Variants in C2CD3 observed in about 807,000 individuals in gnomAD.
The protein encoded by C2CD3 is C2 domain-containing protein 3.
A neutral mutation model predicts 234.0 loss-of-function variants in C2CD3; 148 were observed. The ratio of observed to expected loss-of-function variants is 0.63; its 90% confidence interval spans 0.55 to 0.72. The LOEUF (loss-of-function observed/expected upper bound fraction) is 0.72. C2CD3 is among the 30% of genes least tolerant of loss of function. The pLI, the probability that C2CD3 is intolerant of heterozygous loss-of-function variation, is 0.00. For synonymous variants in C2CD3, 1,000 were observed against 1,035.4 expected (o/e 0.97, Z 0.66); for missense variants, 2,577 against 2,811.5 (o/e 0.92, Z 1.89).
Position 74,095,361 on chromosome 11 carries a change from A to G in C2CD3, c.3027T>C (p.His1009=), listed in dbSNP as rs758580986. 4 of 1,613,656 alleles carry G rather than the reference A, an allele frequency of 2.5e-6. No individual in the cohort carries two copies. The highest frequency in any genetic ancestry group is 2.2e-5 in the South Asian group (2 of 91,052). The change falls in exon 17 of 33, where the codon CAT becomes CAC. Residue 1009 remains histidine (H), a synonymous_variant. Coordinates refer to ENST00000334126, the MANE Select transcript of C2CD3 (RefSeq NM_001286577.2). ...NGLMEHCFEI[H]IEMVKGLAPL... ...GGGCTAGCCCTTTAACCATCTCTATATGGATCTCAAAGCAGTGCTCCATCA... is the reference window on the plus strand; with the variant it reads ...GGGCTAGCCCTTTAACCATCTCTATGTGGATCTCAAAGCAGTGCTCCATCA...
intron 5 of C2CD3, among the ~76,000 whole-genome samples, chr11:74,137,587 T>TC (rs1378427848): frequency 1.3e-5 from 2 of 150,854 alleles, no homozygotes; most frequent in African/African-American, 4.8e-5. Flanking sequence ...ATATATTTTT[T>TC]CTTTTTTTTC....
In C2CD3 at chr11:74,078,270, C is replaced by G. The variant is rs202159207; in HGVS notation, c.4448G>C (p.Trp1483Ser). 6.2e-7 allele frequency: 1 copy of G among 1,614,172 alleles called. No homozygotes were observed. Among genetic ancestry groups the G allele is most frequent in the Non-Finnish European group, 8.5e-7 (1 of 1,180,016 alleles). Reference protein sequence around the residue: ...AEVTRGPSLLWYFREERLEIQ... With the variant: ...AEVTRGPSLLSYFREERLEIQ... Reference sequence around the variant, plus strand: ...CTCTAGCCTCTCCTCCCTGAAGTACCAAAGCAGTGATGGGCCCCTGGTGAC... The same window carrying G: ...CTCTAGCCTCTCCTCCCTGAAGTACGAAAGCAGTGATGGGCCCCTGGTGAC... The change falls in exon 23 of 33, where the codon TGG (tryptophan) becomes TCG (serine). Residue 1483 changes from tryptophan to serine, a missense_variant. Trp to Ser is a radical substitution (Grantham distance 177). Coordinates refer to ENST00000334126, the MANE Select transcript of C2CD3 (RefSeq NM_001286577.2).
intron 28 of C2CD3, among the ~76,000 whole-genome samples, chr11:74,045,300 T>C (rs1399478117): frequency 1.3e-5 from 2 of 152,238 alleles, no homozygotes; most frequent in Non-Finnish European, 2.9e-5. Context: ...TCCAGTACTG[T>C]TTTGCTTACA....
At chr11:74,164,119 G>A (rs772502614) in intron 2 of C2CD3, 4 of 893,612 alleles carry the variant, frequency 4.5e-6, no homozygotes, top group Non-Finnish European at 5.4e-6. Context: ...TCACTTCTAG[G>A]ACAAAAAGCT....
chr11:74,137,312 T>C (rs1158041109), intron 5 of C2CD3, among the ~76,000 whole-genome samples: 2 of 152,014 alleles, frequency 1.3e-5, no homozygotes, highest in South Asian at 4.1e-4. Flanking sequence ...AGTTTATATA[T>C]ATATATTTAA....
At chr11:74,158,582 C>T (rs1856201828) in intron 3 of C2CD3, among the ~76,000 whole-genome samples, 1 of 151,830 alleles carries the variant, frequency 6.6e-6, no homozygotes, top group African/African-American at 2.4e-5. Context: ...ACTAGCCAGG[C>T]GTGTTGGTGC....
chr11:74,094,602 A>T (rs962189585), intron 17 of C2CD3, among the ~76,000 whole-genome samples: 1 of 152,052 alleles, frequency 6.6e-6, no homozygotes, highest in African/African-American at 2.4e-5. Context: ...GAAGATGGAG[A>T]CAGTAGGAGG....
intron 7 of C2CD3, among the ~76,000 whole-genome samples, chr11:74,130,750 G>A (rs184524050): frequency 2.0e-5 from 3 of 151,704 alleles, no homozygotes; most frequent in Non-Finnish European, 4.4e-5. Context: ...GTGTTGTTCT[G>A]TAGTAAGCTT....
intron 28 of C2CD3, among the ~76,000 whole-genome samples, chr11:74,045,190 T>C (rs1261577728): frequency 6.6e-6 from 1 of 152,210 alleles, no homozygotes; most frequent in Non-Finnish European, 1.5e-5. Context: ...TCTTTCCTCA[T>C]TAGTCTTGGC....
Position 74,037,524 on chromosome 11 carries a change from C to A in C2CD3, c.5835G>T (p.Leu1945=), listed in dbSNP as rs781705476. The stretch of plus-strand genomic sequence containing the variant: ...GCAACACCAGGTTACTGGATTTCTC[C>A]AGGATACACTGGCTCCCAGGGTCTA... ...SSLDPGSQCI[L]EKSSNLVLQV... is the part of the protein sequence containing the mutation. Residue 1945 remains leucine (L), a synonymous_variant, in exon 30 of 33, where the codon CTG becomes CTT. Transcript: ENST00000334126. The A allele has an allele frequency of 6.2e-7, 1 of 1,614,080 alleles. No individual in the cohort carries two copies. The highest frequency in any genetic ancestry group is 1.7e-5 in the Admixed American group (1 of 60,020).
chr11:74,058,897 C>T (rs541383366), intron 24 of C2CD3, among the ~76,000 whole-genome samples: 6 of 152,180 alleles, frequency 3.9e-5, no homozygotes, highest in East Asian at 1.9e-4. Context: ...TTCAAGTGCT[C>T]GATAGCCACA....
At chr11:74,019,233 G>A (rs1951991298) in intron 32 of C2CD3, among the ~76,000 whole-genome samples, 1 of 152,184 alleles carries the variant, frequency 6.6e-6, no homozygotes, top group Non-Finnish European at 1.5e-5. Flanking sequence ...GAGTGGCTCA[G>A]GCAACCTGAG....
At chr11:74,032,318 C>T (rs571352857) in intron 31 of C2CD3, among the ~76,000 whole-genome samples, 2 of 152,322 alleles carry the variant, frequency 1.3e-5, no homozygotes, top group Non-Finnish European at 1.5e-5. Context: ...AAGCAGCCTG[C>T]TTCACCTGCC....
At chr11:74,122,591 A>G (rs947328883) in intron 8 of C2CD3, among the ~76,000 whole-genome samples, 2 of 152,204 alleles carry the variant, frequency 1.3e-5, no homozygotes, top group African/African-American at 4.8e-5. Context: ...AGGCCAGAAG[A>G]GTTTTGTCTC....
chr11:74,030,744 ACTC>A (rs1383993809), intron 31 of C2CD3, among the ~76,000 whole-genome samples: 45 of 148,154 alleles, frequency 3.0e-4, no homozygotes, highest in Admixed American at 2.9e-3. Context: ...CCTCAACTTC[ACTC>A]CTCCTGCATC....
Position 74,168,522 on chromosome 11 carries a change from T to C in C2CD3, c.147A>G (p.Ile49Met), listed in dbSNP as rs745976329. 9.9e-6 allele frequency: 16 copies of C among 1,614,070 alleles called. No homozygotes were observed. Among genetic ancestry groups the C allele is most frequent in the Middle Eastern group, 3.3e-4 (2 of 6,084 alleles). The part of the protein sequence containing the change: ...CFLKLTVNRV[I>M]WKIAKPPTCV... ...AAGTGGGAGGCTTTGCAATCTTCCATATGACTCTATTAACAGTAAGTTTTA... is the reference window on the plus strand; with the variant it reads ...AAGTGGGAGGCTTTGCAATCTTCCACATGACTCTATTAACAGTAAGTTTTA... Residue 49 changes from isoleucine to methionine, a missense_variant, in exon 2 of 33, where the codon ATA becomes ATG. Physicochemically the swap from Ile to Met is conservative, Grantham distance 10 (BLOSUM62 1). Coordinates refer to ENST00000334126, the MANE Select transcript of C2CD3 (RefSeq NM_001286577.2).
At chr11:74,098,325 G>T in intron 15 of C2CD3, 70 bp from the exon 16 acceptor site, 1 of 1,496,276 alleles carries the variant, frequency 6.7e-7, no homozygotes, top group Non-Finnish European at 9.1e-7. Context: ...TTTCTTTCTT[G>T]ACTCATTTTT....
chr11:74,099,496 G>A (rs1480338789), intron 15 of C2CD3, among the ~76,000 whole-genome samples: 1 of 152,166 alleles, frequency 6.6e-6, no homozygotes, highest in Non-Finnish European at 1.5e-5. Context: ...GGTGCTCTTT[G>A]TAAAATGTAA....
At chr11:74,035,124 G>C (rs1162627844) in intron 30 of C2CD3, among the ~76,000 whole-genome samples, 1 of 152,182 alleles carries the variant, frequency 6.6e-6, no homozygotes, top group Non-Finnish European at 1.5e-5. Context: ...CTGGGGAATA[G>C]GGGTCACATC....
Sources: gnomAD v4.1 joint callset for allele counts (sites outside exome capture counted in the v4.1 genomes callset) on GRCh38, gnomAD v4.1.1 for gene constraint, MANE v1.5 for transcripts, NCBI Gene and HGNC (gene_info 2026-07-23, HGNC 2026-07-21) for gene names.